Variants in MAGI1 observed in about 807,000 individuals in gnomAD.
The protein encoded by MAGI1 is membrane associated guanylate kinase, WW and PDZ domain containing 1.
A neutral mutation model predicts 139.9 loss-of-function variants in MAGI1; 58 were observed. That is an observed-to-expected ratio of 0.41 (90% CI 0.34 to 0.52). MAGI1 has a LOEUF of 0.52. MAGI1 is among the 20% of genes least tolerant of loss of function. The probability of loss-of-function intolerance (pLI) is 0.12; values close to 1 mark genes in which losing one functional copy is unlikely to be tolerated. For missense variants in MAGI1, 1,874 were observed against 1,901.6 expected (o/e 0.99, Z 0.27); for synonymous variants, 812 against 737.9 (o/e 1.10, Z -1.63).
At chr3:65,530,832 T>C (rs2078673629) in intron 2 of MAGI1, among the ~76,000 whole-genome samples, 2 of 35,222 alleles carry the variant, frequency 5.7e-5, no homozygotes, top group South Asian at 1.7e-3. Flanking sequence ...CGTATATATA[T>C]ATATATACAC....
At chr3:65,392,427 A>T (rs1357252452) in intron 13 of MAGI1, among the ~76,000 whole-genome samples, 1 of 152,190 alleles carries the variant, frequency 6.6e-6, no homozygotes, top group Non-Finnish European at 1.5e-5. Context: ...TAGCTGATTT[A>T]AAGCATTGTA....
intron 2 of MAGI1, among the ~76,000 whole-genome samples, chr3:65,584,428 C>T (rs1433901057): frequency 6.6e-6 from 1 of 152,214 alleles, no homozygotes; most frequent in East Asian, 1.9e-4. Flanking sequence ...CAACTGGCAG[C>T]AACCTCAGTA....
chr3:65,952,809 A>G (rs1266871164), intron 1 of MAGI1, among the ~76,000 whole-genome samples: 1 of 152,198 alleles, frequency 6.6e-6, no homozygotes, highest in Non-Finnish European at 1.5e-5. Flanking sequence ...GCGAGACTTC[A>G]TCTCAAAAAC....
chr3:65,912,345 G>T (rs771468387), intron 1 of MAGI1, among the ~76,000 whole-genome samples: 1 of 152,046 alleles, frequency 6.6e-6, no homozygotes, highest in Non-Finnish European at 1.5e-5. Context: ...GGGCTGGGGA[G>T]ACTTGAACAG....
chr3:65,653,845 G>A (rs923191682), intron 1 of MAGI1, among the ~76,000 whole-genome samples: 3 of 152,148 alleles, frequency 2.0e-5, no homozygotes, highest in African/African-American at 7.2e-5. Flanking sequence ...GAGTCTCACT[G>A]CACTTACCAT....
rs922896913 is a variant in MAGI1 at position 65,601,738 on chromosome 3, A to C, written c.430+20234T>G. Among the ~76,000 whole-genome samples the C allele has an allele frequency of 1.9e-4, 29 of 152,242 alleles. 1 individual carries two copies. Among genetic ancestry groups the C allele is most frequent in the South Asian group, 6.2e-4 (3 of 4,820 alleles). ...ACACCAAAAGCACAAATAAAAAAAA[A>C]ACAGAAATTAGACAGATTAGAGTGT... On this transcript the variant is annotated intron_variant, in intron 2 of 22. Coordinates refer to ENST00000402939, the MANE Select transcript of MAGI1 (RefSeq NM_001033057.2).
intron 1 of MAGI1, among the ~76,000 whole-genome samples, chr3:65,952,020 A>G (rs2063884481): frequency 2.6e-5 from 4 of 152,362 alleles, no homozygotes; most frequent in African/African-American, 9.6e-5. Context: ...TACTGACGAC[A>G]AAGTCATAAG....
intron 1 of MAGI1, among the ~76,000 whole-genome samples, chr3:65,900,350 AG>A (rs2061169738): frequency 6.6e-6 from 1 of 152,248 alleles, no homozygotes; most frequent in Non-Finnish European, 1.5e-5. Context: ...GATGTGTAAG[AG>A]GTAGACAGAA....
At chr3:65,579,325 T>C (rs1488064063) in intron 2 of MAGI1, among the ~76,000 whole-genome samples, 16 of 152,250 alleles carry the variant, frequency 1.1e-4, no homozygotes, top group Middle Eastern at 3.4e-3. Context: ...TGCTGCTCTG[T>C]GGTGGGACCA....
intron 1 of MAGI1, among the ~76,000 whole-genome samples, chr3:65,735,120 T>C (rs1219344970): frequency 6.6e-6 from 1 of 152,238 alleles, no homozygotes; most frequent in Non-Finnish European, 1.5e-5. Context: ...GAATGTCATT[T>C]AACCTCTGAA....
chr3:65,367,399 T>G (rs1409216487), intron 18 of MAGI1, among the ~76,000 whole-genome samples: 1 of 152,200 alleles, frequency 6.6e-6, no homozygotes, highest in African/African-American at 2.4e-5. Context: ...TTTTTTTTCC[T>G]CATCTGTATG....
intron 22 of MAGI1, chr3:65,359,729 C>T (rs994367545): frequency 1.8e-5 from 18 of 985,554 alleles, no homozygotes; most frequent in Non-Finnish European, 1.3e-5. Flanking sequence ...CAGGTTCAAC[C>T]CTTCTTGGAA....
Position 65,563,092 on chromosome 3 carries a change from C to T in MAGI1, c.430+58880G>A, listed in dbSNP as rs928993165. On this transcript the variant is annotated intron_variant, in intron 2 of 22. Coordinates refer to ENST00000402939, the MANE Select transcript of MAGI1 (RefSeq NM_001033057.2). The stretch of plus-strand genomic sequence containing the variant: ...TTCCCTTTATATTTTACAGTCTTTA[C>T]GTACACCTAATTTAACACAATTTTT... Among the ~76,000 whole-genome samples, 9 of 152,096 alleles carry T rather than the reference C, an allele frequency of 5.9e-5. No homozygotes were observed. In the South Asian group the frequency reaches 6.2e-4, roughly 11 times the overall value.
chr3:65,530,734 TATATATGCAC>T (rs1448113605), intron 2 of MAGI1, among the ~76,000 whole-genome samples: 1 of 110,086 alleles, frequency 9.1e-6, no homozygotes, highest in Non-Finnish European at 1.8e-5. Context: ...CACACGTATA[TATATATGCAC>T]ATATATATAC....
chr3:65,464,511 T>C (rs1950043110), intron 5 of MAGI1, among the ~76,000 whole-genome samples: 1 of 151,984 alleles, frequency 6.6e-6, no homozygotes, highest in South Asian at 2.1e-4. Flanking sequence ...CCATAGATTA[T>C]TTAAAAGTAT....
chr3:65,492,803 A>AT (rs1952137153), intron 3 of MAGI1, among the ~76,000 whole-genome samples: 1 of 152,198 alleles, frequency 6.6e-6, no homozygotes, highest in African/African-American at 2.4e-5. Context: ...AAATATTTTT[A>AT]AAATAATTTG....
chr3:65,791,311 C>A (rs184407735), intron 1 of MAGI1, among the ~76,000 whole-genome samples: 36 of 152,296 alleles, frequency 2.4e-4, no homozygotes, highest in African/African-American at 8.7e-4. Flanking sequence ...GACACAAATT[C>A]TAGGTACAGT....
intron 1 of MAGI1, among the ~76,000 whole-genome samples, chr3:65,855,805 C>T (rs2059361398): frequency 6.6e-6 from 1 of 151,660 alleles, no homozygotes; most frequent in Non-Finnish European, 1.5e-5. Context: ...GGGAAAAGCA[C>T]CATGCCAATT....
chr3:65,754,275 C>T (rs2107838863), intron 1 of MAGI1, among the ~76,000 whole-genome samples: 1 of 152,140 alleles, frequency 6.6e-6, no homozygotes, highest in South Asian at 2.1e-4. Context: ...AAAACAATGG[C>T]ACATTTACGA....
Sources: gnomAD v4.1 joint callset for allele counts (sites outside exome capture counted in the v4.1 genomes callset) on GRCh38, gnomAD v4.1.1 for gene constraint, MANE v1.5 for transcripts, NCBI Gene and HGNC (gene_info 2026-07-23, HGNC 2026-07-21) for gene names.